The following CREBZF variants were observed in gnomAD, a reference collection of about 807,000 sequenced individuals.
CREBZF encodes the protein HCF-binding transcription factor Zhangfei.
CREBZF carries 8 observed loss-of-function variants against 21.1 expected under a neutral mutation model. The ratio of observed to expected loss-of-function variants is 0.38; its 90% CI spans 0.22 to 0.68. CREBZF has a LOEUF of 0.68. Ranked by LOEUF, CREBZF falls within the 30% of genes least tolerant of loss-of-function variation. The probability of loss-of-function intolerance (pLI) is 0.51; values close to 1 mark genes in which losing one functional copy is unlikely to be tolerated. For synonymous variants in CREBZF, 270 were observed against 223.3 expected, an observed-to-expected ratio of 1.21 and a Z score of -1.86; for missense variants, 518 against 484.3, an observed-to-expected ratio of 1.07 and a Z score of -0.65.
At position 85,659,568 on chromosome 11, in the gene CREBZF, A is replaced by T. The variant is rs1252086319; in HGVS notation, c.*4243T>A. On this transcript the variant is annotated 3_prime_UTR_variant, in exon 1 of 1. Coordinates refer to ENST00000527447, the MANE Select transcript of CREBZF (RefSeq NM_001039618.4). ...AATAACCAACTGTATATTTATTATG[A>T]AGTAAAAGCCAATCTCCTACCCAAT... The T allele has an allele frequency of 6.6e-6, 1 of 152,084 alleles. No homozygotes were observed. The highest frequency in any genetic ancestry group is 2.4e-5 in the African/African-American group (1 of 41,444). 9.4% of individuals were successfully genotyped at this position (152,084 alleles called of 1,614,324 possible). A position where few individuals can be genotyped will look rare whatever the true frequency, so the allele number is the denominator to read the frequency against.
chr11:85,662,386 T>C lies in CREBZF; in HGVS notation c.*1425A>G, dbSNP rs1449034003. 2 of 716,980 alleles carry C rather than the reference T, an allele frequency of 2.8e-6. No individual in the cohort carries two copies. The highest frequency in any genetic ancestry group is 5.2e-6 in the Non-Finnish European group (2 of 384,694). 44.4% of individuals were successfully genotyped at this position (716,980 alleles called of 1,614,324 possible). Reference sequence around the variant, plus strand: ...ACCTCTTTTTCCTCATTTCTTATACTACCTTTTAAAATAAAGCAGGAAATG... The same window carrying C: ...ACCTCTTTTTCCTCATTTCTTATACCACCTTTTAAAATAAAGCAGGAAATG... On this transcript the variant is annotated 3_prime_UTR_variant, in exon 1 of 1. Transcript: ENST00000527447.
rs767444290 is a variant in CREBZF at position 85,664,272 on chromosome 11, TGTC to T, written c.601_603del (p.Asp201del). The T allele has an allele frequency of 1.3e-5, 21 of 1,612,562 alleles. No individual in the cohort carries two copies. In the South Asian group the frequency reaches 1.8e-4, roughly 13 times the overall value. ...GGACTCTTTGTCGCCGCCTGGTTGT[TGTC>T]GTTACCGCTGCCGCCACCGCCGCCT... On this transcript the variant is annotated inframe_deletion, in exon 1 of 1. Coordinates refer to ENST00000527447, the MANE Select transcript of CREBZF (RefSeq NM_001039618.4). The surrounding 1 kb of genome is among the most constrained non-coding windows in gnomAD (Gnocchi z 5.5).
intron 1 of CREBZF, among the ~76,000 whole-genome samples, chr11:85,678,494 A>C (rs1403003292): frequency 6.6e-6 from 1 of 152,212 alleles, no homozygotes; most frequent in Admixed American, 6.5e-5. Context: ...TCTCCCTAGC[A>C]ACATTAACAT....
chr11:85,662,818 T>C lies in CREBZF; in HGVS notation c.*993A>G, dbSNP rs1401187329. The C allele has an allele frequency of 5.8e-6, 1 of 171,580 alleles. No individual in the cohort carries two copies. Among genetic ancestry groups the C allele is most frequent in the South Asian group, 1.9e-4 (1 of 5,348 alleles). The allele number at this position is 171,580 out of a possible 1,614,324, so 10.6% of individuals were successfully genotyped here. On this transcript the variant is annotated 3_prime_UTR_variant, in exon 1 of 1. Coordinates refer to ENST00000527447, the MANE Select transcript of CREBZF (RefSeq NM_001039618.4). Reference sequence around the variant, plus strand: ...ACCTAAAATTTTAATACAACAAAAATAAAGATGTTCAACAATTTATTCAAT... The same window carrying C: ...ACCTAAAATTTTAATACAACAAAAACAAAGATGTTCAACAATTTATTCAAT...
chr11:85,679,904 CA>C (rs2082965708), intron 1 of CREBZF, among the ~76,000 whole-genome samples: 1 of 152,216 alleles, frequency 6.6e-6, no homozygotes, highest in Admixed American at 6.5e-5. Flanking sequence ...GGAAGTTAAA[CA>C]GATATGTGGA....
rs1335768722 is a variant in CREBZF, at chr11:85,659,240, C to G, written c.*4571G>C. On this transcript the variant is annotated 3_prime_UTR_variant, in exon 1 of 1. Transcript: ENST00000527447. ...TTTCAAGAGTCATCAGATTATTTAGCTTTAAAATTTTACTAAATCAGACCT... is the reference window on the plus strand; with the variant it reads ...TTTCAAGAGTCATCAGATTATTTAGGTTTAAAATTTTACTAAATCAGACCT... 6.6e-6 allele frequency among the ~76,000 whole-genome samples: 1 copy of G among 151,970 alleles called. No homozygotes were observed. The highest frequency in any genetic ancestry group is 2.4e-5 in the African/African-American group (1 of 41,416).
chr11:85,672,642 G>T (rs945636887), intron 1 of CREBZF, among the ~76,000 whole-genome samples: 3 of 152,230 alleles, frequency 2.0e-5, no homozygotes, highest in African/African-American at 7.2e-5. Context: ...ATGGCTAACT[G>T]GTTGGTCATG....
At chr11:85,675,271 T>A (rs1311720256) in intron 1 of CREBZF, among the ~76,000 whole-genome samples, 2 of 152,212 alleles carry the variant, frequency 1.3e-5, no homozygotes, top group African/African-American at 4.8e-5. Flanking sequence ...CCATCCTCAC[T>A]AAGTTTAATC....
At chr11:85,682,778 C>A in exon 1 of CREBZF, 2 of 701,198 alleles carry the variant, frequency 2.9e-6, no homozygotes, top group East Asian at 2.7e-5. Context: ...CTTCTCCCCG[C>A]AGGCTGGGCG....
upstream of CREBZF, among the ~76,000 whole-genome samples, chr11:85,666,133 C>T (rs2082858464): frequency 6.6e-6 from 1 of 152,178 alleles, no homozygotes; most frequent in South Asian, 2.1e-4. Context: ...CGTTTTCCCA[C>T]TGAAATGCTC....
intron 1 of CREBZF, among the ~76,000 whole-genome samples, chr11:85,674,948 C>T (rs2082933171): frequency 6.6e-6 from 1 of 152,224 alleles, no homozygotes; most frequent in South Asian, 2.1e-4. Context: ...CTTCTGCTAG[C>T]TTCCAGCTTT....
rs1045891232 is a variant in CREBZF, at chr11:85,658,904, A to G, written c.*4907T>C. ...AATTAGTTCATTGTGAAAACTGAGC[A>G]AAATATTTTCAACAATTTTGGGTCA... On this transcript the variant is annotated 3_prime_UTR_variant, in exon 1 of 1. Coordinates refer to ENST00000527447, the MANE Select transcript of CREBZF (RefSeq NM_001039618.4). Among the ~76,000 whole-genome samples the G allele has an allele frequency of 9.9e-5, 15 of 152,086 alleles. No homozygotes were observed. The highest frequency in any genetic ancestry group is 3.4e-4 in the African/African-American group (14 of 41,438).
chr11:85,675,630 C>G (rs1338107106), intron 1 of CREBZF, among the ~76,000 whole-genome samples: 2 of 152,034 alleles, frequency 1.3e-5, no homozygotes, highest in Non-Finnish European at 2.9e-5. Flanking sequence ...ACAAAGTGAA[C>G]ACATGCTGTT....
In CREBZF at chr11:85,664,491, G is replaced by A; in HGVS notation, c.385C>T (p.Pro129Ser). 1 of 1,613,702 alleles carries A rather than the reference G, an allele frequency of 6.2e-7. No individual in the cohort carries two copies. Among genetic ancestry groups the A allele is most frequent in the Non-Finnish European group, 8.5e-7 (1 of 1,179,948 alleles). Reference protein sequence around the residue: ...HLDPGLSSPGPLSSSGGGSDS... With the variant: ...HLDPGLSSPGSLSSSGGGSDS... ...GAGCCTCCGCCAGACGAGGAGAGAG[G>A]CCCCGGCGAGCTAAGCCCGGGGTCC... Residue 129 changes from proline (P) to serine (S), a missense_variant, in exon 1 of 1, where the codon CCT (proline) becomes TCT (serine). This residue lies in a region of CREBZF where 396 missense variants were observed against 324.4 expected (regional missense o/e 1.22). Transcript: ENST00000527447. The surrounding 1 kb of genome is among the most constrained non-coding windows in gnomAD (Gnocchi z 5.5).
At chr11:85,668,212 G>A (rs2082885893), upstream of CREBZF, among the ~76,000 whole-genome samples, 1 of 151,968 alleles carries the variant, frequency 6.6e-6, no homozygotes, top group Non-Finnish European at 1.5e-5. Flanking sequence ...GAATTTTCTA[G>A]CTATACTTAA....
At chr11:85,682,611 C>T in intron 1 of CREBZF, 2 of 344,706 alleles carry the variant, frequency 5.8e-6, no homozygotes, top group South Asian at 2.7e-5. Flanking sequence ...CCTACTCCCC[C>T]CAACGCGATC....
rs576969931 is a variant in CREBZF at position 85,662,876 on chromosome 11, A to G, written c.*935T>C. On this transcript the variant is annotated 3_prime_UTR_variant, in exon 1 of 1. Transcript: ENST00000527447. Reference sequence around the variant, plus strand: ...ATAGGGTAATCACTGCTGGTCCTCAAAGAAACATTAGCCATTCTTATTCTC... The same window carrying G: ...ATAGGGTAATCACTGCTGGTCCTCAGAGAAACATTAGCCATTCTTATTCTC... 1 of 158,524 alleles carries G rather than the reference A, an allele frequency of 6.3e-6. No homozygotes were observed. The highest frequency in any genetic ancestry group is 1.4e-5 in the Non-Finnish European group (1 of 71,866). 9.8% of individuals were successfully genotyped at this position (158,524 alleles called of 1,614,324 possible).
chr11:85,665,136 T>A (rs2082840966), upstream of CREBZF: 3 of 408,296 alleles, frequency 7.3e-6, no homozygotes, highest in South Asian at 2.4e-4. Flanking sequence ...AGTCAGTGGT[T>A]TTCGCCCCAG....
chr11:85,662,116 C>A lies in CREBZF; in HGVS notation c.*1695G>T, dbSNP rs960736225. The A allele has an allele frequency of 2.7e-6, 1 of 374,812 alleles. No individual in the cohort carries two copies. Among genetic ancestry groups the A allele is most frequent in the East Asian group, 5.2e-5 (1 of 19,358 alleles). 23.2% of individuals were successfully genotyped at this position (374,812 alleles called of 1,614,324 possible). A position where few individuals can be genotyped will look rare whatever the true frequency, so the allele number is the denominator to read the frequency against. ...GCTACTACCCATTCATGCTCAAGTG[C>A]AGTAGTAGATGATTTTACAAAATAT... On this transcript the variant is annotated 3_prime_UTR_variant, in exon 1 of 1. Coordinates refer to ENST00000527447, the MANE Select transcript of CREBZF (RefSeq NM_001039618.4).
Sources: gnomAD v4.1 joint callset for allele counts (sites outside exome capture counted in the v4.1 genomes callset) on GRCh38, gnomAD v4.1.1 for gene constraint, gnomAD v4.1.1 regional missense constraint, Gnocchi (gnomAD v3.1) non-coding constraint, MANE v1.5 for transcripts, NCBI Gene and HGNC (gene_info 2026-07-23, HGNC 2026-07-21) for gene names.